SERINC5: variants seen among roughly 807,000 people sequenced by gnomAD.
The protein encoded by SERINC5 is serine incorporator 5, also known as chromosome 5 open reading frame 12.
In SERINC5, 41 loss-of-function variants were observed where a neutral mutation model predicts 63.1. The ratio of observed to expected loss-of-function variants is 0.65; its 90% confidence interval spans 0.51 to 0.84. The LOEUF is 0.84. Ranked by LOEUF, SERINC5 falls within the 40% of genes least tolerant of loss-of-function variation. The probability of loss-of-function intolerance (pLI) is 0.00; values close to 1 mark genes in which losing one functional copy is unlikely to be tolerated. For missense variants in SERINC5, 523 were observed against 573.0 expected, an observed-to-expected ratio of 0.91 and a Z score of 0.89; for synonymous variants, 222 against 215.2, an observed-to-expected ratio of 1.03 and a Z score of -0.28.
At chr5:80,155,686 C>T (rs1170399143) in intron 8 of SERINC5, among the ~76,000 whole-genome samples, 1 of 151,966 alleles carries the variant, frequency 6.6e-6, no homozygotes, top group East Asian at 1.9e-4. Flanking sequence ...AGGAGGATCC[C>T]TTAAGGACAG....
intron 11 of SERINC5, chr5:80,128,555 G>A (rs1420100203): frequency 1.3e-5 from 2 of 152,248 alleles, no homozygotes; most frequent in African/African-American, 2.4e-5. Flanking sequence ...GGGGAGGGGA[G>A]GCAGTGAAGA....
chr5:80,137,139 CAAAAAAA>C (rs869035894), downstream of SERINC5, among the ~76,000 whole-genome samples: 16 of 67,742 alleles, frequency 2.4e-4, 1 homozygote, highest in South Asian at 3.5e-3. Context: ...GACCCTGTCT[CAAAAAAA>C]AAAAAAAAAA....
rs769425698 is a variant in SERINC5 at position 80,230,459 on chromosome 5, A to AAAAGAAAG, written c.27+25436_27+25437insCTTTCTTT. On this transcript the variant is annotated intron_variant, in intron 1 of 11. Coordinates refer to ENST00000507668, the MANE Select transcript of SERINC5 (RefSeq NM_001174072.3). ...CAAGACTGTCACAAAAAAAAAAAAA[A>AAAAGAAAG]AAAGAAACCATTGCTCTTCAAATTT... 9.0e-4 allele frequency among the ~76,000 whole-genome samples: 116 copies of AAAAGAAAG among 128,620 alleles called. 1 individual carries two copies. Among genetic ancestry groups the AAAAGAAAG allele is most frequent in the African/African-American group, 3.1e-3 (98 of 32,010 alleles). The allele number at this position is 128,620 out of a possible 152,430, so 84.4% of individuals were successfully genotyped here.
chr5:80,225,808 T>C (rs1244231383), intron 1 of SERINC5, among the ~76,000 whole-genome samples: 1 of 152,168 alleles, frequency 6.6e-6, no homozygotes, highest in East Asian at 1.9e-4. Context: ...CCTAGTTCTA[T>C]TTCTAAATGT....
At chr5:80,252,277 C>T (rs1580226916) in intron 1 of SERINC5, among the ~76,000 whole-genome samples, 1 of 152,006 alleles carries the variant, frequency 6.6e-6, no homozygotes, top group Non-Finnish European at 1.5e-5. Context: ...CCAGGCTGGT[C>T]TCGAACTCCT....
chr5:80,187,747 T>C (rs901158773), intron 2 of SERINC5, among the ~76,000 whole-genome samples: 2 of 152,322 alleles, frequency 1.3e-5, no homozygotes, highest in Admixed American at 6.5e-5. Flanking sequence ...TCAAAAAGCA[T>C]GCAAAGACTG....
Position 80,141,536 on chromosome 5 carries a change from CAGG to C in SERINC5, c.*2124_*2126del, listed in dbSNP as rs1745505785. On this transcript the variant is annotated 3_prime_UTR_variant, in exon 12 of 12. Coordinates refer to ENST00000507668, the MANE Select transcript of SERINC5 (RefSeq NM_001174072.3). ...AAGCAAGGGCTCTGCTAGACCTCAGCAGGAGGAAAACAATGAAACTAGTCACAA... is the reference window on the plus strand; with the variant it reads ...AAGCAAGGGCTCTGCTAGACCTCAGCAGGAAAACAATGAAACTAGTCACAA... 2.1e-5 allele frequency: 21 copies of C among 985,368 alleles called. No individual in the cohort carries two copies. The highest frequency in any genetic ancestry group is 2.5e-5 in the Non-Finnish European group (21 of 829,986). The allele number at this position is 985,368 out of a possible 1,614,324, so 61.0% of individuals were successfully genotyped here.
At chr5:80,186,843 G>A (rs532742901) in intron 2 of SERINC5, among the ~76,000 whole-genome samples, 4 of 152,188 alleles carry the variant, frequency 2.6e-5, no homozygotes, top group South Asian at 2.1e-4. Context: ...TTGTGTAATC[G>A]TGTTACTTGA....
intron 2 of SERINC5, among the ~76,000 whole-genome samples, chr5:80,193,092 T>G (rs955742066): frequency 2.0e-5 from 3 of 152,178 alleles, no homozygotes; most frequent in African/African-American, 7.2e-5. Flanking sequence ...CCTTTCAGAG[T>G]GCTCGCCACT....
chr5:80,181,416 T>TTG (rs70982028), intron 2 of SERINC5, among the ~76,000 whole-genome samples: 8,696 of 145,224 alleles, frequency 0.06, 334 homozygotes, highest in Non-Finnish European at 0.073. Flanking sequence ...TCAGCTAATT[T>TTG]TGTGTGTGTG....
intron 11 of SERINC5, chr5:80,116,299 C>T (rs575754454): frequency 3.5e-5 from 16 of 456,150 alleles, no homozygotes; most frequent in Non-Finnish European, 6.2e-5. Flanking sequence ...CTTAAGAGGC[C>T]TTAAGTCTTC....
intron 11 of SERINC5, among the ~76,000 whole-genome samples, chr5:80,119,156 G>A (rs971603553): frequency 3.3e-5 from 5 of 152,056 alleles, no homozygotes; most frequent in African/African-American, 4.8e-5. Flanking sequence ...GCTATGTCCC[G>A]GGGTTGTTTG....
chr5:80,132,279 T>C (rs902558550), intron 11 of SERINC5, among the ~76,000 whole-genome samples: 6 of 152,170 alleles, frequency 3.9e-5, no homozygotes, highest in African/African-American at 1.4e-4. Context: ...GACCCCACAG[T>C]TACTTTCCTG....
chr5:80,175,994 T>C (rs920166297), intron 4 of SERINC5, among the ~76,000 whole-genome samples: 1 of 149,814 alleles, frequency 6.7e-6, no homozygotes, highest in Non-Finnish European at 1.5e-5. Context: ...GACTGGCCAA[T>C]ATGGTGAAAC....
Position 80,191,175 on chromosome 5 carries a change from T to C in SERINC5, c.195+11711A>G, listed in dbSNP as rs202161959. Among the ~76,000 whole-genome samples, 99 of 151,910 alleles carry C rather than the reference T, an allele frequency of 6.5e-4. 1 individual carries two copies. In the East Asian group the frequency reaches 0.012, roughly 19 times the overall value. On this transcript the variant is annotated intron_variant, in intron 2 of 11. Transcript: ENST00000507668. The stretch of plus-strand genomic sequence containing the variant: ...TGCCTAATAAGGAAATCCTCTGTTT[T>C]AACCTTTTGTTCTGTTTCTGCTTTT...
At chr5:80,160,992 GTATA>G (rs533454724) in intron 7 of SERINC5, among the ~76,000 whole-genome samples, 17 of 137,328 alleles carry the variant, frequency 1.2e-4, no homozygotes, top group Non-Finnish European at 1.3e-4. Flanking sequence ...GTGTGTATAT[GTATA>G]TATATACGTG....
Position 80,139,814 on chromosome 5 carries a change from TCTTA to T in SERINC5, c.*3845_*3848del, listed in dbSNP as rs1745393219. 3 of 985,276 alleles carry T rather than the reference TCTTA, an allele frequency of 3.0e-6. No individual in the cohort carries two copies. Among genetic ancestry groups the T allele is most frequent in the South Asian group, 4.7e-5 (1 of 21,284 alleles). The allele number at this position is 985,276 out of a possible 1,614,324, so 61.0% of individuals were successfully genotyped here. On this transcript the variant is annotated 3_prime_UTR_variant, in exon 12 of 12. Transcript: ENST00000507668. ...CAGTGTTCTTTCTGGGTGTGTAAGGTCTTACTTAGTTCAAGGTTTGTCCCTTCTT... is the reference window on the plus strand; with the variant it reads ...CAGTGTTCTTTCTGGGTGTGTAAGGTCTTAGTTCAAGGTTTGTCCCTTCTT...
intron 1 of SERINC5, among the ~76,000 whole-genome samples, chr5:80,242,552 C>A (rs1490249140): frequency 1.3e-5 from 2 of 152,140 alleles, no homozygotes; most frequent in East Asian, 3.9e-4. Flanking sequence ...GAGTTTGAGA[C>A]CAGCCTGGCC....
At chr5:80,222,755 G>A (rs1750970337) in intron 1 of SERINC5, among the ~76,000 whole-genome samples, 1 of 151,928 alleles carries the variant, frequency 6.6e-6, no homozygotes, top group Non-Finnish European at 1.5e-5. Context: ...TGTATTTTTA[G>A]TAGAGATGGG....
Sources: allele counts gnomAD v4.1 joint callset (sites outside exome capture counted in the v4.1 genomes callset), GRCh38; gene constraint gnomAD v4.1.1; transcripts MANE v1.5; gene names NCBI Gene and HGNC (gene_info 2026-07-23, HGNC 2026-07-21).